LRMDA: variants seen among roughly 807,000 people sequenced by gnomAD.
The protein encoded by LRMDA is leucine rich melanocyte differentiation associated.
Under a neutral mutation model 29.8 loss-of-function variants are expected in LRMDA, and 18 were observed. That is an observed-to-expected ratio of 0.60 (90% CI 0.42 to 0.90). The LOEUF is 0.90. Ranked by LOEUF, LRMDA falls within the 40% of genes least tolerant of loss-of-function variation. The probability of loss-of-function intolerance (pLI) is 0.00; values close to 1 mark genes in which losing one functional copy is unlikely to be tolerated. For missense variants in LRMDA, 273 were observed against 273.9 expected, an observed-to-expected ratio of 1.00 and a Z score of 0.02; for synonymous variants, 125 against 109.4, an observed-to-expected ratio of 1.14 and a Z score of -0.89.
At chr10:75,863,256 G>A (rs1163427773) in intron 2 of LRMDA, among the ~76,000 whole-genome samples, 1 of 152,124 alleles carries the variant, frequency 6.6e-6, no homozygotes, top group African/African-American at 2.4e-5. Context: ...AAGGCAAGTA[G>A]TTATTGATCG....
intron 2 of LRMDA, among the ~76,000 whole-genome samples, chr10:75,721,710 A>G (rs1842569447): frequency 6.6e-6 from 1 of 152,204 alleles, no homozygotes; most frequent in Non-Finnish European, 1.5e-5. Context: ...ATTCCAAAGT[A>G]CACTTTCTTT....
At chr10:76,189,714 T>C (rs1327338616) in intron 5 of LRMDA, among the ~76,000 whole-genome samples, 1 of 152,212 alleles carries the variant, frequency 6.6e-6, no homozygotes, top group East Asian at 1.9e-4. Context: ...TGTCCCACAG[T>C]GTTCCTATGT....
chr10:76,146,641 T>C (rs560732863), intron 5 of LRMDA, among the ~76,000 whole-genome samples: 214 of 152,280 alleles, frequency 1.4e-3, no homozygotes, highest in African/African-American at 4.7e-3. Flanking sequence ...GACTATCCAA[T>C]TTGCCAGTCT....
At chr10:75,677,040 C>A (rs990301215) in intron 2 of LRMDA, among the ~76,000 whole-genome samples, 3 of 152,186 alleles carry the variant, frequency 2.0e-5, no homozygotes, top group Non-Finnish European at 2.9e-5. Context: ...TTTTAATTTT[C>A]TCAGATTTAT....
At chr10:75,439,473 G>A (rs1055886251) in intron 2 of LRMDA, among the ~76,000 whole-genome samples, 1 of 152,190 alleles carries the variant, frequency 6.6e-6, no homozygotes, top group African/African-American at 2.4e-5. Context: ...TTAGGAATTT[G>A]TAATTGGAAA....
intron 6 of LRMDA, among the ~76,000 whole-genome samples, chr10:76,338,950 A>G (rs573854286): frequency 3.3e-5 from 5 of 152,298 alleles, no homozygotes; most frequent in African/African-American, 9.6e-5. Flanking sequence ...AATGTACCCA[A>G]TGACATGGCT....
intron 2 of LRMDA, among the ~76,000 whole-genome samples, chr10:75,659,528 A>T (rs1467928641): frequency 6.6e-6 from 1 of 152,216 alleles, no homozygotes; most frequent in Non-Finnish European, 1.5e-5. Flanking sequence ...CATTATACCA[A>T]GTAAAACAAG....
At chr10:76,510,596 A>C (rs977006969) in intron 6 of LRMDA, among the ~76,000 whole-genome samples, 1 of 152,202 alleles carries the variant, frequency 6.6e-6, no homozygotes, top group African/African-American at 2.4e-5. Flanking sequence ...CAGGTAACCT[A>C]AGCCAGCCAG....
chr10:75,883,053 T>C (rs909461421), intron 2 of LRMDA, among the ~76,000 whole-genome samples: 1 of 152,210 alleles, frequency 6.6e-6, no homozygotes, highest in Admixed American at 6.5e-5. Flanking sequence ...CGAGGCCTCA[T>C]GCACAATCCC....
At chr10:75,960,287 C>T (rs1369467701) in intron 2 of LRMDA, among the ~76,000 whole-genome samples, 1 of 152,198 alleles carries the variant, frequency 6.6e-6, no homozygotes, top group Non-Finnish European at 1.5e-5. Flanking sequence ...TATGTCTTAA[C>T]CCAAATCAAT....
At chr10:75,754,487 A>C (rs1266197814) in intron 2 of LRMDA, among the ~76,000 whole-genome samples, 3 of 152,212 alleles carry the variant, frequency 2.0e-5, no homozygotes, top group African/African-American at 7.2e-5. Context: ...AGTCAGTTCA[A>C]ATGTTTTTCA....
intron 2 of LRMDA, among the ~76,000 whole-genome samples, chr10:75,644,582 A>G (rs543320340): frequency 6.6e-6 from 1 of 152,276 alleles, no homozygotes; most frequent in East Asian, 1.9e-4. Flanking sequence ...GCTTCATTAA[A>G]TACAGTCACA....
intron 2 of LRMDA, among the ~76,000 whole-genome samples, chr10:75,977,467 AT>A (rs1847093665): frequency 6.6e-6 from 1 of 152,182 alleles, no homozygotes; most frequent in African/African-American, 2.4e-5. Flanking sequence ...GCTGAGTCGA[AT>A]TCCTGAGGGG....
chr10:76,066,905 CT>C (rs1217709751), intron 5 of LRMDA, among the ~76,000 whole-genome samples: 1 of 152,198 alleles, frequency 6.6e-6, no homozygotes, highest in African/African-American at 2.4e-5. Context: ...CCTTAGAGCT[CT>C]GTGCAGAGCA....
chr10:75,867,889 G>C (rs2132328699), intron 2 of LRMDA, among the ~76,000 whole-genome samples: 1 of 152,276 alleles, frequency 6.6e-6, no homozygotes, highest in East Asian at 1.9e-4. Flanking sequence ...GTCTGCTGTA[G>C]TGTAAATGCA....
intron 5 of LRMDA, among the ~76,000 whole-genome samples, chr10:76,156,897 C>T (rs956698239): frequency 1.3e-5 from 2 of 152,086 alleles, no homozygotes; most frequent in African/African-American, 4.8e-5. Context: ...AATTACTTTC[C>T]CTGTTGTGTT....
At chr10:75,763,666 G>A (rs1253656398) in intron 2 of LRMDA, among the ~76,000 whole-genome samples, 1 of 151,742 alleles carries the variant, frequency 6.6e-6, no homozygotes, top group East Asian at 1.9e-4. Context: ...ATTTCTCCCT[G>A]CAATGAGTTC....
chr10:75,599,407 G>A (rs971222729), intron 2 of LRMDA, among the ~76,000 whole-genome samples: 9 of 152,190 alleles, frequency 5.9e-5, no homozygotes, highest in African/African-American at 1.2e-4. Context: ...GGTTCTGACC[G>A]TCATTCGGAT....
In LRMDA at chr10:76,293,258, G is replaced by A. The variant is rs563816918; in HGVS notation, c.517-31143G>A. Reference sequence around the variant, plus strand: ...GGCCTCCCAAAGTGCTGGAATTACAGGTCTGACCCACCATGCCCAGCCTAG... The same window carrying A: ...GGCCTCCCAAAGTGCTGGAATTACAAGTCTGACCCACCATGCCCAGCCTAG... On this transcript the variant is annotated intron_variant, in intron 5 of 6. Transcript: ENST00000611255. Among the ~76,000 whole-genome samples, 9 of 152,286 alleles carry A rather than the reference G, an allele frequency of 5.9e-5. No homozygotes were observed. The East Asian group carries it at 1.7e-3, about 29-fold the overall frequency.
Sources: allele counts gnomAD v4.1 joint callset (sites outside exome capture counted in the v4.1 genomes callset), GRCh38; gene constraint gnomAD v4.1.1; transcripts MANE v1.5; gene names NCBI Gene and HGNC (gene_info 2026-07-23, HGNC 2026-07-21).